The following GPC5 variants were observed in gnomAD, a reference collection of about 807,000 sequenced individuals.
The protein encoded by GPC5 is glypican-5.
Under a neutral mutation model 53.9 loss-of-function variants are expected in GPC5, and 47 were observed. That is an observed-to-expected ratio of 0.87 (90% CI 0.69 to 1.11). GPC5 has a LOEUF of 1.11. Ranked by LOEUF, GPC5 falls within the 50% of genes most tolerant of loss-of-function variation. The pLI, the probability that GPC5 is intolerant of heterozygous loss-of-function variation, is 0.00. For synonymous variants in GPC5, 286 were observed against 263.3 expected (o/e 1.09, Z -0.84); for missense variants, 748 against 713.1 (o/e 1.05, Z -0.56).
intron 6 of GPC5, among the ~76,000 whole-genome samples, chr13:92,078,617 C>G (rs1257109174): frequency 6.6e-6 from 1 of 152,118 alleles, no homozygotes; most frequent in African/African-American, 2.4e-5. Flanking sequence ...TTTAATCATA[C>G]TTGTCAGTCT....
rs535894574 is a variant in GPC5, at chr13:92,601,976, T to C, written c.1562-264306T>C. Among the ~76,000 whole-genome samples the C allele has an allele frequency of 1.0e-3, 156 of 151,682 alleles. 1 individual carries two copies. The highest frequency in any genetic ancestry group is 2.3e-3 in the South Asian group (11 of 4,822). On this transcript the variant is annotated intron_variant, in intron 7 of 7. Transcript: ENST00000377067. ...AAGCCTATGTCATAGATCATTTCCATACATATCTCACTTTTATGGCGGCAG... is the reference window on the plus strand; with the variant it reads ...AAGCCTATGTCATAGATCATTTCCACACATATCTCACTTTTATGGCGGCAG...
At chr13:92,593,799 T>A (rs929795470) in intron 7 of GPC5, among the ~76,000 whole-genome samples, 1 of 152,166 alleles carries the variant, frequency 6.6e-6, no homozygotes, top group African/African-American at 2.4e-5. Flanking sequence ...TCAAATGCTC[T>A]GAAATGGCAA....
At chr13:91,915,837 A>G (rs2139009048) in intron 6 of GPC5, among the ~76,000 whole-genome samples, 1 of 152,324 alleles carries the variant, frequency 6.6e-6, no homozygotes, top group South Asian at 2.1e-4. Flanking sequence ...AAAATCTAAA[A>G]GGTAAGTGTT....
chr13:92,483,692 AC>A (rs1452485104), intron 7 of GPC5, among the ~76,000 whole-genome samples: 1 of 152,158 alleles, frequency 6.6e-6, no homozygotes, highest in Non-Finnish European at 1.5e-5. Context: ...TTGTTTTTTA[AC>A]ATTTTGACTT....
At chr13:91,444,578 A>G (rs1412974443) in intron 1 of GPC5, among the ~76,000 whole-genome samples, 2 of 152,148 alleles carry the variant, frequency 1.3e-5, no homozygotes, top group African/African-American at 4.8e-5. Flanking sequence ...TGTAGTGTTT[A>G]AAAATATGGC....
At chr13:92,547,336 A>C (rs1882153947) in intron 7 of GPC5, among the ~76,000 whole-genome samples, 1 of 152,230 alleles carries the variant, frequency 6.6e-6, no homozygotes, top group African/African-American at 2.4e-5. Flanking sequence ...ATTAACTGCA[A>C]AGAAAGACTT....
intron 5 of GPC5, among the ~76,000 whole-genome samples, chr13:91,758,152 G>T (rs1452134570): frequency 6.6e-6 from 1 of 151,972 alleles, no homozygotes; most frequent in Non-Finnish European, 1.5e-5. Flanking sequence ...ATGTTGCAAT[G>T]TAACAATTTT....
chr13:92,354,801 C>G (rs2043508874), intron 7 of GPC5, among the ~76,000 whole-genome samples: 1 of 152,028 alleles, frequency 6.6e-6, no homozygotes, highest in South Asian at 2.1e-4. Flanking sequence ...AATACTCATG[C>G]AGAGGTCCTA....
At chr13:91,826,932 AGGGGAGT>A (rs1192412717) in intron 5 of GPC5, among the ~76,000 whole-genome samples, 2 of 152,000 alleles carry the variant, frequency 1.3e-5, no homozygotes, top group Admixed American at 1.3e-4. Context: ...GAGGCAGGAA[AGGGGAGT>A]GGGGAGGGGG....
intron 6 of GPC5, among the ~76,000 whole-genome samples, chr13:92,040,998 G>A (rs1389320878): frequency 6.6e-6 from 1 of 152,104 alleles, no homozygotes; most frequent in Admixed American, 6.5e-5. Context: ...TTACAGGCAT[G>A]TGCCACCACA....
intron 7 of GPC5, among the ~76,000 whole-genome samples, chr13:92,596,063 A>T (rs189698947): frequency 3.7e-3 from 567 of 152,290 alleles, no homozygotes; most frequent in Non-Finnish European, 6.2e-3. Flanking sequence ...TCTCATTCAG[A>T]TAGAGATGTT....
chr13:92,152,603 G>T (rs534368964), intron 7 of GPC5, among the ~76,000 whole-genome samples: 3 of 152,066 alleles, frequency 2.0e-5, no homozygotes, highest in Admixed American at 6.5e-5. Flanking sequence ...GCCGGGTGTC[G>T]TGGCGGGCGC....
chr13:92,578,374 C>T (rs1478986588), intron 7 of GPC5, among the ~76,000 whole-genome samples: 2 of 151,972 alleles, frequency 1.3e-5, no homozygotes, highest in Non-Finnish European at 2.9e-5. Context: ...AGAAACAGAA[C>T]AAATGTGATA....
rs1252814226 is a variant in GPC5, at chr13:91,478,436, TTTTG to T, written c.325+29518_325+29521del. On this transcript the variant is annotated intron_variant, in intron 2 of 7. Coordinates refer to ENST00000377067, the MANE Select transcript of GPC5 (RefSeq NM_004466.6). ...AAATGTAAAGAGAAATAAATGTAAT[TTTTG>T]TTTATTAGAGCATTTTATATATGCT... Among the ~76,000 whole-genome samples, 19 of 152,128 alleles carry T rather than the reference TTTTG, an allele frequency of 1.2e-4. 1 individual carries two copies. Among genetic ancestry groups the T allele is most frequent in the Middle Eastern group, 3.5e-3 (1 of 286 alleles).
At chr13:92,540,232 A>T (rs1881890346) in intron 7 of GPC5, among the ~76,000 whole-genome samples, 1 of 152,010 alleles carries the variant, frequency 6.6e-6, no homozygotes, top group South Asian at 2.1e-4. Flanking sequence ...ATATGAAGAA[A>T]ACATTTTTAG....
At chr13:92,136,935 C>T (rs2041788788) in intron 6 of GPC5, among the ~76,000 whole-genome samples, 1 of 152,226 alleles carries the variant, frequency 6.6e-6, no homozygotes, top group African/African-American at 2.4e-5. Flanking sequence ...GATAGCATCC[C>T]TAATGAGCTT....
intron 2 of GPC5, among the ~76,000 whole-genome samples, chr13:91,619,375 A>G (rs2033790956): frequency 1.3e-5 from 2 of 152,192 alleles, no homozygotes; most frequent in African/African-American, 2.4e-5. Context: ...ATTATAATAT[A>G]TCTTGATTTG....
intron 7 of GPC5, among the ~76,000 whole-genome samples, chr13:92,410,186 G>A (rs907066710): frequency 1.4e-4 from 22 of 152,222 alleles, no homozygotes; most frequent in Admixed American, 1.4e-3. Flanking sequence ...CAATGTAGAG[G>A]GTTTCTGTAT....
At chr13:91,912,477 C>T (rs1182097435) in intron 6 of GPC5, among the ~76,000 whole-genome samples, 1 of 152,048 alleles carries the variant, frequency 6.6e-6, no homozygotes, top group Admixed American at 6.6e-5. Context: ...ATGAAAAAGA[C>T]AAGAGAAGGC....
Sources: gnomAD v4.1 joint callset for allele counts (sites outside exome capture counted in the v4.1 genomes callset) on GRCh38, gnomAD v4.1.1 for gene constraint, MANE v1.5 for transcripts, NCBI Gene and HGNC (gene_info 2026-07-23, HGNC 2026-07-21) for gene names.